PYGO1: variants seen among roughly 807,000 people sequenced by gnomAD.
The protein encoded by PYGO1 is pygopus family PHD finger 1.
In PYGO1, 6 loss-of-function variants were observed where a neutral mutation model predicts 29.5. The ratio of observed to expected loss-of-function variants is 0.20; its 90% CI spans 0.11 to 0.40. PYGO1 has a LOEUF of 0.40. Among genes scored for constraint, PYGO1 ranks in the 10% least tolerant of loss-of-function variants. PYGO1 has a pLI of 1.00. For missense variants in PYGO1, 515 were observed against 514.9 expected (o/e 1.00, Z 0.00); for synonymous variants, 186 against 180.5 (o/e 1.03, Z -0.24).
At chr15:55,574,662 G>C (rs1040295626) in intron 1 of PYGO1, among the ~76,000 whole-genome samples, 2 of 151,912 alleles carry the variant, frequency 1.3e-5, no homozygotes, top group Non-Finnish European at 2.9e-5. Context: ...GTGTGTGTGT[G>C]TGTGTGTGTG....
intron 1 of PYGO1, among the ~76,000 whole-genome samples, chr15:55,587,237 A>G (rs1408531064): frequency 6.6e-6 from 1 of 152,238 alleles, no homozygotes; most frequent in Admixed American, 6.5e-5. Flanking sequence ...CGCAAGAAAG[A>G]AGAAAATCAA....
At chr15:55,581,628 C>T (rs1286793990) in intron 1 of PYGO1, among the ~76,000 whole-genome samples, 1 of 152,168 alleles carries the variant, frequency 6.6e-6, no homozygotes, top group Non-Finnish European at 1.5e-5. Flanking sequence ...TACTTAAGCA[C>T]ATACTACTTA....
At chr15:55,588,799 C>G (rs766083252), upstream of PYGO1, 3 of 1,613,528 alleles carry the variant, frequency 1.9e-6, no homozygotes, top group East Asian at 6.7e-5. Context: ...GAAAGATGAA[C>G]GTACCATGCG....
intron 1 of PYGO1, among the ~76,000 whole-genome samples, chr15:55,586,193 C>T (rs1361004286): frequency 6.6e-6 from 1 of 152,192 alleles, no homozygotes; most frequent in Non-Finnish European, 1.5e-5. Flanking sequence ...TACCTTCCTA[C>T]TTACTGATTT....
intron 1 of PYGO1, among the ~76,000 whole-genome samples, chr15:55,565,087 C>T (rs1175344564): frequency 6.6e-6 from 1 of 152,192 alleles, no homozygotes; most frequent in East Asian, 1.9e-4. Context: ...GAAGCCTTTG[C>T]TCTTAGAAGG....
chr15:55,540,877 T>C lies in PYGO1; in HGVS notation c.*5146A>G, dbSNP rs2058825695. On this transcript the variant is annotated 3_prime_UTR_variant, in exon 3 of 3. Transcript: ENST00000563719. ...CTAATATCCCAAAAAGAGGTATATG[T>C]AAACAGTACATAAGGAAGAAATAGT... The C allele has an allele frequency of 6.6e-6, 1 of 152,198 alleles. No homozygotes were observed. The highest frequency in any genetic ancestry group is 6.5e-5 in the Admixed American group (1 of 15,268). 9.4% of individuals were successfully genotyped at this position (152,198 alleles called of 1,614,324 possible).
intron 1 of PYGO1, among the ~76,000 whole-genome samples, chr15:55,580,861 A>G (rs2059022337): frequency 6.6e-6 from 1 of 152,206 alleles, no homozygotes; most frequent in African/African-American, 2.4e-5. Flanking sequence ...GAACTGTATC[A>G]TCTTCCCAGG....
chr15:55,588,455 G>A (rs1357910513), upstream of PYGO1, among the ~76,000 whole-genome samples: 3 of 147,972 alleles, frequency 2.0e-5, no homozygotes, highest in African/African-American at 7.3e-5. Flanking sequence ...GCGCGGGGAC[G>A]GGCTTCGGGG....
At chr15:55,556,174 A>C (rs551921927) in intron 1 of PYGO1, among the ~76,000 whole-genome samples, 6 of 152,268 alleles carry the variant, frequency 3.9e-5, no homozygotes, top group Non-Finnish European at 8.8e-5. Flanking sequence ...TATATACAGA[A>C]TTTTCCACCC....
intron 1 of PYGO1, among the ~76,000 whole-genome samples, chr15:55,574,637 G>A (rs986132623): frequency 6.3e-5 from 6 of 95,724 alleles, no homozygotes; most frequent in Admixed American, 1.4e-4. Flanking sequence ...TTGTTCAAAG[G>A]TATACTGTAT....
chr15:55,574,065 C>T (rs1292464503), intron 1 of PYGO1, among the ~76,000 whole-genome samples: 1 of 152,170 alleles, frequency 6.6e-6, no homozygotes, highest in African/African-American at 2.4e-5. Context: ...GGAGCACTTC[C>T]AGCATCACTA....
intron 1 of PYGO1, among the ~76,000 whole-genome samples, chr15:55,570,727 T>C (rs2058976818): frequency 6.6e-6 from 1 of 152,168 alleles, no homozygotes; most frequent in African/African-American, 2.4e-5. Flanking sequence ...AATAATTTTA[T>C]GTAATAAAAT....
chr15:55,561,115 C>T (rs2058930985), intron 1 of PYGO1, among the ~76,000 whole-genome samples: 1 of 152,180 alleles, frequency 6.6e-6, no homozygotes, highest in Admixed American at 6.5e-5. Context: ...ACCAAAACAG[C>T]ATGGTACTTA....
intron 1 of PYGO1, among the ~76,000 whole-genome samples, chr15:55,583,799 C>T (rs555588239): frequency 6.6e-6 from 1 of 152,208 alleles, no homozygotes; most frequent in Non-Finnish European, 1.5e-5. Context: ...TAAGCCACCA[C>T]ACCTGGTCCC....
chr15:55,542,873 G>C lies in PYGO1; in HGVS notation c.*3150C>G, dbSNP rs886962802. The C allele has an allele frequency of 6.6e-6, 1 of 152,042 alleles. No homozygotes were observed. The highest frequency in any genetic ancestry group is 1.5e-5 in the Non-Finnish European group (1 of 68,086). 9.4% of individuals were successfully genotyped at this position (152,042 alleles called of 1,614,324 possible). A position where few individuals can be genotyped will look rare whatever the true frequency, so the allele number is the denominator to read the frequency against. On this transcript the variant is annotated 3_prime_UTR_variant, in exon 3 of 3. Coordinates refer to ENST00000563719, the MANE Select transcript of PYGO1 (RefSeq NM_001367806.1). ...GAACCAGGAAGGCAGACGTTGCAGT[G>C]AGCCGAGATCTCATCACTGCACTCC... is the stretch of plus-strand genomic sequence containing the variant.
At chr15:55,547,574 C>A (rs1016136671) in intron 2 of PYGO1, among the ~76,000 whole-genome samples, 4 of 152,156 alleles carry the variant, frequency 2.6e-5, no homozygotes, top group African/African-American at 9.7e-5. Flanking sequence ...CAATCAGAAT[C>A]TAAGTTTTTC....
chr15:55,587,529 G>GC lies in PYGO1; in HGVS notation c.49+305dup, dbSNP rs535114866. On this transcript the variant is annotated intron_variant, in intron 1 of 2. Transcript: ENST00000563719. ...GTGTCTGTTTTTCACCCTTTGAGGTGCCTATTGTGCTGTCTTGAGAACGAG... is the reference window on the plus strand; with the variant it reads ...GTGTCTGTTTTTCACCCTTTGAGGTGCCCTATTGTGCTGTCTTGAGAACGAG... 6.0e-4 allele frequency among the ~76,000 whole-genome samples: 92 copies of GC among 152,080 alleles called. 1 individual carries two copies. Among genetic ancestry groups the GC allele is most frequent in the Admixed American group, 1.7e-3 (26 of 15,284 alleles).
chr15:55,588,968 G>T, upstream of PYGO1: 22 of 701,296 alleles, frequency 3.1e-5, no homozygotes, highest in Non-Finnish European at 4.0e-5. Flanking sequence ...GAGCGACGTA[G>T]AATAAATACC....
rs749611835 is a variant in PYGO1 at position 55,540,387 on chromosome 15, A to G, written c.*5636T>C. On this transcript the variant is annotated 3_prime_UTR_variant, in exon 3 of 3. Coordinates refer to ENST00000563719, the MANE Select transcript of PYGO1 (RefSeq NM_001367806.1). ...ATCAGCACAAGTTAAAAGTTACTAT[A>G]TAATTTTAGTAGTATGTGCTAAAAA... The G allele has an allele frequency of 3.3e-5, 5 of 152,140 alleles. No individual in the cohort carries two copies. The highest frequency in any genetic ancestry group is 7.4e-5 in the Non-Finnish European group (5 of 67,950). The allele number at this position is 152,140 out of a possible 1,614,324, so 9.4% of individuals were successfully genotyped here. A position where few individuals can be genotyped will look rare whatever the true frequency, so the allele number is the denominator to read the frequency against.
Sources: allele counts gnomAD v4.1 joint callset (sites outside exome capture counted in the v4.1 genomes callset), GRCh38; gene constraint gnomAD v4.1.1; transcripts MANE v1.5; gene names NCBI Gene and HGNC (gene_info 2026-07-23, HGNC 2026-07-21).